The following C12orf56 variants were observed in gnomAD, a reference collection of about 807,000 sequenced individuals.
C12orf56 encodes the protein chromosome 12 open reading frame 56, also known as uncharacterized protein C12orf56.
Under a neutral mutation model 69.9 loss-of-function variants are expected in C12orf56, and 71 were observed. The observed-to-expected ratio is 1.02, with a 90% CI of 0.84 to 1.24. C12orf56 has a LOEUF of 1.24. Among genes scored for constraint, C12orf56 ranks in the 50% most tolerant of loss-of-function variants. C12orf56 has a pLI of 0.00. For missense variants in C12orf56, 732 were observed against 738.5 expected, an observed-to-expected ratio of 0.99 and a Z score of 0.10; for synonymous variants, 276 against 274.1, an observed-to-expected ratio of 1.01 and a Z score of -0.07.
chr12:64,276,605 G>A (rs1365988698), intron 9 of C12orf56, among the ~76,000 whole-genome samples: 2 of 152,112 alleles, frequency 1.3e-5, no homozygotes, highest in Non-Finnish European at 2.9e-5. Context: ...CAGCAGAGTA[G>A]AAACTAATGA....
chr12:64,301,016 C>G (rs1356712103), intron 6 of C12orf56, among the ~76,000 whole-genome samples: 1 of 152,090 alleles, frequency 6.6e-6, no homozygotes, highest in East Asian at 1.9e-4. Flanking sequence ...TGGCAGTTTC[C>G]CCTGCACATT....
At chr12:64,338,477 C>T (rs2039027458) in intron 2 of C12orf56, 4 of 919,954 alleles carry the variant, frequency 4.3e-6, no homozygotes, top group Non-Finnish European at 7.3e-6. Context: ...TTATTTCCTG[C>T]AACAAACAAT....
chr12:64,374,922 C>A (rs142331132), intron 1 of C12orf56, among the ~76,000 whole-genome samples: 1 of 151,994 alleles, frequency 6.6e-6, no homozygotes, highest in Non-Finnish European at 1.5e-5. Flanking sequence ...AACATAATTG[C>A]GGTTTTTGCA....
chr12:64,274,924 A>C lies in C12orf56; in HGVS notation c.1561T>G (p.Phe521Val), dbSNP rs370316834. The change falls in exon 11 of 13, where the codon TTT becomes GTT. Residue 521 changes from phenylalanine to valine, a missense_variant. Phe to Val is a conservative substitution (Grantham distance 50). Coordinates refer to ENST00000543942, the MANE Select transcript of C12orf56 (RefSeq NM_001170633.2). ...TKFAISWIMSFLQSCPPIITF... is the reference protein window; with the variant it reads ...TKFAISWIMSVLQSCPPIITF... ...ACGATGGGAGGACAGCTTTGTAGAA[A>C]GGACATTATCCAGCTAATAGCAAAC... 7.6e-5 allele frequency: 123 copies of C among 1,612,482 alleles called. 3 individuals are homozygous for C. In the African/African-American group the frequency reaches 1.5e-3, roughly 20 times the overall value.
intron 6 of C12orf56, among the ~76,000 whole-genome samples, chr12:64,287,161 T>C (rs2038214201): frequency 6.6e-6 from 1 of 150,494 alleles, no homozygotes; most frequent in Non-Finnish European, 1.5e-5. Flanking sequence ...GGAGAATCAC[T>C]TGAACCTGGG....
At chr12:64,375,499 C>T (rs907601823) in intron 1 of C12orf56, among the ~76,000 whole-genome samples, 16 of 152,278 alleles carry the variant, frequency 1.1e-4, no homozygotes, top group African/African-American at 3.6e-4. Flanking sequence ...ATGCATTTGA[C>T]CCAGGAACTG....
At chr12:64,350,509 G>A (rs961199267) in intron 2 of C12orf56, among the ~76,000 whole-genome samples, 16 of 152,232 alleles carry the variant, frequency 1.1e-4, no homozygotes, top group Non-Finnish European at 1.9e-4. Flanking sequence ...CCTTTAAGGA[G>A]TCAAGCTTGA....
At chr12:64,295,209 T>G (rs908637178) in intron 6 of C12orf56, among the ~76,000 whole-genome samples, 28 of 152,176 alleles carry the variant, frequency 1.8e-4, no homozygotes, top group Non-Finnish European at 7.4e-5. Flanking sequence ...AAAAAGAACA[T>G]AGAGAACTAT....
chr12:64,320,325 C>G (rs1357021094), intron 3 of C12orf56, among the ~76,000 whole-genome samples: 1 of 152,076 alleles, frequency 6.6e-6, no homozygotes, highest in African/African-American at 2.4e-5. Flanking sequence ...GCTCTGGGAG[C>G]AAGGACACCC....
intron 9 of C12orf56, among the ~76,000 whole-genome samples, chr12:64,276,993 TAAAAAAAAA>T (rs200351319): frequency 1.4e-5 from 1 of 69,218 alleles, no homozygotes; most frequent in Non-Finnish European, 2.8e-5. Context: ...AACCCTTTCT[TAAAAAAAAA>T]AAAAAAAAAA....
intron 6 of C12orf56, among the ~76,000 whole-genome samples, chr12:64,287,166 C>A (rs1157303778): frequency 6.7e-6 from 1 of 149,544 alleles, no homozygotes; most frequent in Admixed American, 6.7e-5. Context: ...ATCACTTGAA[C>A]CTGGGAGGTG....
intron 2 of C12orf56, among the ~76,000 whole-genome samples, chr12:64,335,520 C>T (rs981740951): frequency 6.6e-5 from 10 of 151,408 alleles, no homozygotes; most frequent in Non-Finnish European, 1.0e-4. Context: ...TAACCATCCT[C>T]TTTCATCTCA....
chr12:64,328,387 G>A (rs2038871122), intron 3 of C12orf56, among the ~76,000 whole-genome samples: 1 of 151,808 alleles, frequency 6.6e-6, no homozygotes, highest in Admixed American at 6.6e-5. Context: ...GTGTGTAACA[G>A]TATCACACTT....
At chr12:64,389,689 G>A (rs918781052) in intron 1 of C12orf56, among the ~76,000 whole-genome samples, 2 of 152,066 alleles carry the variant, frequency 1.3e-5, no homozygotes, top group Non-Finnish European at 2.9e-5. Context: ...TGGAGACGGC[G>A]TTTCACCATG....
At chr12:64,338,852 G>A in intron 2 of C12orf56, 2 of 776,876 alleles carry the variant, frequency 2.6e-6, no homozygotes, top group Non-Finnish European at 4.4e-6. Flanking sequence ...GAAGGGTGAG[G>A]TGGGAGGAAT....
In C12orf56 at chr12:64,352,900, T is replaced by G. The variant is rs2039249648; in HGVS notation, c.409A>C (p.Lys137Gln). 1.2e-6 allele frequency: 2 copies of G among 1,605,716 alleles called. No homozygotes were observed. The highest frequency in any genetic ancestry group is 8.5e-7 in the Non-Finnish European group (1 of 1,177,928). Residue 137 changes from lysine to glutamine, a missense_variant, in exon 2 of 13, where the codon AAG becomes CAG. Transcript: ENST00000543942. Reference sequence around the variant, plus strand: ...ACAGATTGGAAGTACCTACCTTTCTTGTTGTTAGCTTTAGTATGATGAAAT... The same window carrying G: ...ACAGATTGGAAGTACCTACCTTTCTGGTTGTTAGCTTTAGTATGATGAAAT... Reference protein sequence around the residue: ...FPFHHTKANNKKVKEEKNGLA... With the variant: ...FPFHHTKANNQKVKEEKNGLA...
chr12:64,309,601 C>A (rs10784401), intron 5 of C12orf56, among the ~76,000 whole-genome samples: 62,652 of 152,002 alleles, frequency 0.41, 12,964 homozygotes, highest in African/African-American at 0.43. Context: ...GCCTCTGCCT[C>A]CCAGGTTCAA....
At chr12:64,329,532 T>TA (rs2038899317) in intron 3 of C12orf56, among the ~76,000 whole-genome samples, 1 of 148,638 alleles carries the variant, frequency 6.7e-6, no homozygotes, top group African/African-American at 2.5e-5. Flanking sequence ...TTTATTTATT[T>TA]TTTATTATTA....
At chr12:64,386,882 C>CAGGTGGTCAGGAGTTTG (rs2039798542) in intron 1 of C12orf56, among the ~76,000 whole-genome samples, 1 of 151,140 alleles carries the variant, frequency 6.6e-6, no homozygotes, top group Admixed American at 6.6e-5. Context: ...AGTTTGAGAC[C>CAGGTGGTCAGGAGTTTG]AGCCTGACCA....
Sources: allele counts gnomAD v4.1 joint callset (sites outside exome capture counted in the v4.1 genomes callset), GRCh38; gene constraint gnomAD v4.1.1; transcripts MANE v1.5; gene names NCBI Gene and HGNC (gene_info 2026-07-23, HGNC 2026-07-21).